SEL1L3: variants seen among roughly 807,000 people sequenced by gnomAD.
SEL1L3 encodes protein sel-1 homolog 3.
In SEL1L3, 76 loss-of-function variants were observed where a neutral mutation model predicts 142.8. The observed-to-expected ratio is 0.53, with a 90% CI of 0.44 to 0.64. SEL1L3 has a LOEUF of 0.64. SEL1L3 is among the 30% of genes least tolerant of loss of function. The pLI, the probability that SEL1L3 is intolerant of heterozygous loss-of-function variation, is 0.00. For missense variants in SEL1L3, 1,262 were observed against 1,381.7 expected (o/e 0.91, Z 1.37); for synonymous variants, 504 against 519.6 (o/e 0.97, Z 0.41).
At chr4:25,735,112 T>A in the SEL1L3 span, among the ~76,000 whole-genome samples, 1 of 152,208 alleles carries the variant, frequency 6.6e-6, no homozygotes, top group East Asian at 1.9e-4. Context: ...GCTGAAGCCA[T>A]CTGGGCTTAG....
At chr4:25,787,641 A>G (rs1481594345) in intron 13 of SEL1L3, among the ~76,000 whole-genome samples, 1 of 152,150 alleles carries the variant, frequency 6.6e-6, no homozygotes, top group East Asian at 1.9e-4. Context: ...TATAAAGAAC[A>G]CGGCATTTTA....
intron 11 of SEL1L3, among the ~76,000 whole-genome samples, chr4:25,799,051 G>A (rs1293924097): frequency 1.3e-5 from 2 of 151,992 alleles, no homozygotes; most frequent in East Asian, 1.9e-4. Context: ...GTGGTCATCC[G>A]TCTGTGTTGC....
intron 1 of SEL1L3, among the ~76,000 whole-genome samples, chr4:25,852,690 G>C (rs140098915): frequency 6.6e-6 from 1 of 152,200 alleles, no homozygotes; most frequent in Non-Finnish European, 1.5e-5. Flanking sequence ...GGGCAGCCCA[G>C]CACCCAGGAC....
At chr4:25,849,224 G>A (rs1716730790) in intron 1 of SEL1L3, among the ~76,000 whole-genome samples, 1 of 152,152 alleles carries the variant, frequency 6.6e-6, no homozygotes, top group African/African-American at 2.4e-5. Context: ...TTGAAGAGAT[G>A]TTTGTACACC....
At chr4:25,855,325 T>C (rs1190875247) in intron 1 of SEL1L3, among the ~76,000 whole-genome samples, 1 of 152,262 alleles carries the variant, frequency 6.6e-6, no homozygotes, top group East Asian at 1.9e-4. Flanking sequence ...CAGGTTGCAT[T>C]AACACAAGCT....
chr4:25,734,588 T>G, the SEL1L3 span, among the ~76,000 whole-genome samples: 7 of 152,084 alleles, frequency 4.6e-5, no homozygotes, highest in African/African-American at 1.7e-4. Context: ...TCTTTTTTTT[T>G]GAGACAGTCT....
rs762361151 is a variant in SEL1L3, at chr4:25,788,374, A to T, written c.2077-10T>A. On this transcript the variant is annotated splice_polypyrimidine_tract_variant and intron_variant, in intron 12 of 23. Coordinates refer to ENST00000399878, the MANE Select transcript of SEL1L3 (RefSeq NM_015187.5). This position sits in a 1 kb window ranked among gnomAD's most constrained non-coding sequence, Gnocchi z 5.3. ...TCTGGGCCAATCGTTGCTTAAAGAT[A>T]ATAGCAATTTAGAACAATGACTTTT... The T allele has an allele frequency of 1.2e-6, 2 of 1,613,450 alleles. No individual in the cohort carries two copies. The highest frequency in any genetic ancestry group is 1.7e-6 in the Non-Finnish European group (2 of 1,179,702).
chr4:25,857,868 C>T (rs544728897), intron 1 of SEL1L3, among the ~76,000 whole-genome samples: 22 of 152,314 alleles, frequency 1.4e-4, no homozygotes, highest in African/African-American at 5.3e-4. Context: ...GCCATTATGC[C>T]GGCATGCCTT....
At chr4:25,791,958 C>A (rs1438221050) in intron 11 of SEL1L3, among the ~76,000 whole-genome samples, 1 of 151,756 alleles carries the variant, frequency 6.6e-6, no homozygotes, top group African/African-American at 2.4e-5. Flanking sequence ...GAGTCTGCAG[C>A]CCCGTTCCTC....
chr4:25,798,382 G>A (rs1330192824), intron 11 of SEL1L3, among the ~76,000 whole-genome samples: 1 of 152,188 alleles, frequency 6.6e-6, no homozygotes, highest in African/African-American at 2.4e-5. Flanking sequence ...CATATCACAT[G>A]TATGTGCCTA....
At chr4:25,837,132 G>A (rs1323840578) in intron 2 of SEL1L3, among the ~76,000 whole-genome samples, 6 of 151,688 alleles carry the variant, frequency 4.0e-5, no homozygotes, top group South Asian at 2.1e-4. Flanking sequence ...GGTCTATGAC[G>A]GGGGTGGTGA....
At chr4:25,773,826 C>T (rs1719409182) in intron 17 of SEL1L3, among the ~76,000 whole-genome samples, 1 of 152,164 alleles carries the variant, frequency 6.6e-6, no homozygotes, top group Non-Finnish European at 1.5e-5. Flanking sequence ...GCTTTTGTTC[C>T]TGCAATTCCC....
chr4:25,743,528 A>C (rs1232982660), downstream of SEL1L3, among the ~76,000 whole-genome samples: 1 of 152,198 alleles, frequency 6.6e-6, no homozygotes, highest in Non-Finnish European at 1.5e-5. Context: ...TATACATTTT[A>C]GGGAGACATG....
intron 17 of SEL1L3, among the ~76,000 whole-genome samples, chr4:25,775,869 C>T (rs1275975339): frequency 6.6e-6 from 1 of 152,196 alleles, no homozygotes; most frequent in Non-Finnish European, 1.5e-5. Context: ...ACCTTAAACA[C>T]TGATCTCTCT....
intron 6 of SEL1L3, among the ~76,000 whole-genome samples, chr4:25,824,984 C>T (rs1714999246): frequency 6.6e-6 from 1 of 152,058 alleles, no homozygotes; most frequent in Admixed American, 6.6e-5. Flanking sequence ...GTGTTGTTTA[C>T]AAGTGTGAAA....
chr4:25,827,679 T>C (rs771222174), intron 6 of SEL1L3, among the ~76,000 whole-genome samples: 1 of 152,224 alleles, frequency 6.6e-6, no homozygotes, highest in South Asian at 2.1e-4. Flanking sequence ...GCCCCAGCCC[T>C]GGATCATTCT....
downstream of SEL1L3, among the ~76,000 whole-genome samples, chr4:25,743,481 G>A (rs559561628): frequency 6.6e-6 from 1 of 152,244 alleles, no homozygotes; most frequent in Admixed American, 6.5e-5. Flanking sequence ...AAGTCGTGAC[G>A]ACATGTGCCC....
At chr4:25,802,139 T>C (rs1250001501) in intron 11 of SEL1L3, 144 bp downstream of exon 11, 2 of 656,042 alleles carry the variant, frequency 3.0e-6, no homozygotes, top group African/African-American at 3.6e-5. Flanking sequence ...TAATAGGAAA[T>C]GGAGAGCGCA....
intron 14 of SEL1L3, 73 bp downstream of exon 14, chr4:25,784,155 C>T: frequency 2.3e-6 from 3 of 1,295,328 alleles, no homozygotes; most frequent in East Asian, 4.6e-5. Flanking sequence ...TGGCCATTTC[C>T]TCTTTTAGAC....
Sources: allele counts gnomAD v4.1 joint callset (sites outside exome capture counted in the v4.1 genomes callset), GRCh38; gene constraint gnomAD v4.1.1; non-coding constraint Gnocchi (gnomAD v3.1); transcripts MANE v1.5; gene names NCBI Gene and HGNC (gene_info 2026-07-23, HGNC 2026-07-21).